The following SCART1 variants were observed in gnomAD, a reference collection of about 807,000 sequenced individuals.
SCART1 encodes scavenger receptor family member expressed on T cells 1.
A neutral mutation model predicts 36.2 loss-of-function variants in SCART1; 62 were observed. That is an observed-to-expected ratio of 1.71 (90% confidence interval 1.40 to 2.12). The LOEUF (loss-of-function observed/expected upper bound fraction) is 2.12, where lower values mean the gene tolerates loss of function less well. SCART1 is among the 30% of genes most tolerant of loss of function. SCART1 has a pLI of 0.00. For missense variants in SCART1, 1,041 were observed against 540.5 expected, an observed-to-expected ratio of 1.93 and a Z score of -9.18; for synonymous variants, 487 against 238.7, an observed-to-expected ratio of 2.04 and a Z score of -9.59.
At chr10:133,465,029 G>T (rs908559705) in intron 7 of SCART1, 77 bp from the exon 8 acceptor site, 6 of 700,660 alleles carry the variant, frequency 8.6e-6, no homozygotes, top group African/African-American at 3.5e-5. Context: ...TGGGCCTGGG[G>T]GTCACTAGGA....
exon 11 of SCART1, chr10:133,467,238 T>C (rs1266694891): frequency 1.4e-6 from 1 of 702,656 alleles, no homozygotes; most frequent in African/African-American, 1.7e-5. Context: ...AAGCCATCTA[T>C]GATGTCATTG....
chr10:133,457,059 G>A (rs561611089), intron 2 of SCART1: 49 of 573,446 alleles, frequency 8.5e-5, no homozygotes, highest in Middle Eastern at 4.5e-4. Context: ...CAGTGTGAAC[G>A]GATCCTGCGG....
intron 1 of SCART1, 78 bp downstream of exon 1, chr10:133,454,142 G>C: frequency 1.4e-6 from 1 of 700,828 alleles, no homozygotes; most frequent in Non-Finnish European, 2.6e-6. Flanking sequence ...GGGGCATGAG[G>C]GTCCCTGCAG....
downstream of SCART1, among the ~76,000 whole-genome samples, chr10:133,469,664 G>A (rs1013260652): frequency 2.1e-4 from 32 of 152,090 alleles, no homozygotes; most frequent in African/African-American, 7.2e-4. Context: ...GATGGGTGCA[G>A]CAAACCACCA....
chr10:133,464,678 C>G, exon 7 of SCART1: 1 of 697,326 alleles, frequency 1.4e-6, no homozygotes, highest in South Asian at 1.5e-5. Flanking sequence ...TACAATGGGA[C>G]CTGGGGCGCC....
chr10:133,454,103 GGCATCAGCTCTGTTGAT>G, intron 1 of SCART1, 39 bp downstream of exon 1: 2 of 702,524 alleles, frequency 2.8e-6, no homozygotes, highest in South Asian at 3.0e-5. Context: ...ACTTTCTGGA[GGCATCAGCTCTGTTGAT>G]GCCCAGGCCC....
chr10:133,460,073 C>T, exon 6 of SCART1: 1 of 513,614 alleles, frequency 1.9e-6, no homozygotes, highest in Non-Finnish European at 3.4e-6. Context: ...ACGAGCTGGG[C>T]TGCCAGGGCC....
At chr10:133,459,691 C>T (rs1349535682) in exon 6 of SCART1, 4 of 699,944 alleles carry the variant, frequency 5.7e-6, no homozygotes, top group Non-Finnish European at 2.6e-6. Context: ...GTCCAGGTGG[C>T]GCTGAGCCGC....
rs1850686874 is a variant in SCART1, at chr10:133,460,491, TATATA to T, written c.1969+322_1969+326del. On this transcript the variant is annotated intron_variant, in intron 6 of 11. Transcript: ENST00000640237. ...AAATTCATATATATATATATATATT[TATATA>T]TTTTAAAAAATATTTTATATTTATT... 2.1e-5 allele frequency among the ~76,000 whole-genome samples: 3 copies of T among 144,192 alleles called. No homozygotes were observed. In the South Asian group the frequency reaches 6.9e-4, roughly 33 times the overall value. The allele number at this position is 144,192 out of a possible 152,430, so 94.6% of individuals were successfully genotyped here.
chr10:133,459,500 C>T (rs1340977300), exon 6 of SCART1: 3 of 651,010 alleles, frequency 4.6e-6, no homozygotes, highest in Non-Finnish European at 8.3e-6. Context: ...TGGCCCACGC[C>T]CTGCGACTGA....
At chr10:133,467,525 A>T (rs1040621503) in intron 11 of SCART1, among the ~76,000 whole-genome samples, 172 bp downstream of exon 11, 1 of 152,138 alleles carries the variant, frequency 6.6e-6, no homozygotes, top group African/African-American at 2.4e-5. Flanking sequence ...GGCCACACCC[A>T]TGAGGGCAGA....
chr10:133,457,437 G>T (rs1262434698), exon 3 of SCART1: 6 of 702,206 alleles, frequency 8.5e-6, no homozygotes, highest in Non-Finnish European at 1.6e-5. Flanking sequence ...TGTGCTCCAG[G>T]CCCCCCGCCG....
At chr10:133,467,713 A>C in intron 11 of SCART1, 134 bp from the exon 12 acceptor site, 1 of 548,186 alleles carries the variant, frequency 1.8e-6, no homozygotes, top group South Asian at 2.5e-5. Context: ...CTTCAATGTC[A>C]GGATGCCTTG....
intron 3 of SCART1, chr10:133,457,848 A>G (rs1287144500): frequency 3.7e-6 from 2 of 544,844 alleles, no homozygotes; most frequent in East Asian, 6.4e-5. Context: ...GAGCTGCCTC[A>G]GCTGTGATCT....
rs1457771155 is a variant in SCART1 at position 133,459,668 on chromosome 10, C to T, written c.1467C>T (p.Pro489=). Residue 489 remains proline (P), a synonymous_variant, in exon 6 of 12, where the codon CCC becomes CCT. Coordinates refer to ENST00000640237, the Ensembl canonical transcript of SCART1. ...AGCAAGCCTATGACGCACCTGCCCCCAGCCGCGGATCCGTCCAGGTGGCGC... is the reference window on the plus strand; with the variant it reads ...AGCAAGCCTATGACGCACCTGCCCCTAGCCGCGGATCCGTCCAGGTGGCGC... 4.3e-6 allele frequency: 3 copies of T among 696,446 alleles called. No homozygotes were observed. In the African/African-American group the frequency reaches 5.3e-5, roughly 12 times the overall value. The allele number at this position is 696,446 out of a possible 1,614,324, so 43.1% of individuals were successfully genotyped here. A position where few individuals can be genotyped will look rare whatever the true frequency, so the allele number is the denominator to read the frequency against.
In SCART1 at chr10:133,459,988, AGCTGGGCTGTG is replaced by A; in HGVS notation, c.1790_1800del (p.Leu597ProfsTer350). On this transcript the variant is annotated frameshift_variant, in exon 6 of 12. Transcript: ENST00000640237. LOFTEE classifies it high-confidence loss of function. The stretch of plus-strand genomic sequence containing the variant: ...CGGGACGCGCACGTGGTCTGCAGGC[AGCTGGGCTGTG>A]GCCGCGCCCTGAGCGCCCTGGGGGC... The A allele has an allele frequency of 1.8e-6, 1 of 541,482 alleles. No individual in the cohort carries two copies. The highest frequency in any genetic ancestry group is 2.5e-5 in the South Asian group (1 of 39,882). 33.5% of individuals were successfully genotyped at this position (541,482 alleles called of 1,614,324 possible).
exon 3 of SCART1, chr10:133,457,526 C>A (rs748447705): frequency 5.1e-5 from 36 of 702,394 alleles, no homozygotes; most frequent in Admixed American, 4.0e-4. Context: ...TGGACAACAA[C>A]TTCCGCAGCG....
exon 5 of SCART1, chr10:133,459,177 G>A (rs1453305600): frequency 7.1e-6 from 5 of 702,910 alleles, no homozygotes; most frequent in East Asian, 2.7e-5. Flanking sequence ...GCCGCACCTG[G>A]AGGAGGCCAT....
chr10:133,459,262 C>T (rs1248019276), exon 5 of SCART1: 17 of 674,736 alleles, frequency 2.5e-5, no homozygotes, highest in Admixed American at 4.1e-5. Flanking sequence ...TGTGGAATTG[C>T]CCAGTAAGCA....
Sources: gnomAD v4.1 joint callset for allele counts (sites outside exome capture counted in the v4.1 genomes callset) on GRCh38, gnomAD v4.1.1 for gene constraint, MANE v1.5 for transcripts, NCBI Gene and HGNC (gene_info 2026-07-23, HGNC 2026-07-21) for gene names.